Variants in NUBPL observed in about 807,000 individuals in gnomAD.
NUBPL encodes the protein iron-sulfur cluster transfer protein NUBPL.
In NUBPL, 31 loss-of-function variants were observed where a neutral mutation model predicts 45.7. The observed-to-expected ratio is 0.68, with a 90% CI of 0.51 to 0.92. NUBPL has a LOEUF of 0.92. Among genes scored for constraint, NUBPL ranks in the 40% least tolerant of loss-of-function variants. The pLI, the probability that NUBPL is intolerant of heterozygous loss-of-function variation, is 0.00. For synonymous variants in NUBPL, 144 were observed against 140.9 expected, an observed-to-expected ratio of 1.02 and a Z score of -0.15; for missense variants, 401 against 398.7, an observed-to-expected ratio of 1.01 and a Z score of -0.05.
intron 8 of NUBPL, among the ~76,000 whole-genome samples, chr14:31,839,652 T>C (rs1329490650): frequency 6.6e-6 from 1 of 152,038 alleles, no homozygotes; most frequent in Non-Finnish European, 1.5e-5. Flanking sequence ...ATCAACAGGG[T>C]GAAGAGACTA....
chr14:31,745,907 G>A (rs2038388796), intron 6 of NUBPL, among the ~76,000 whole-genome samples: 1 of 151,928 alleles, frequency 6.6e-6, no homozygotes. Context: ...GGCCACAGGT[G>A]TCTCACGACC....
At chr14:31,806,883 G>C (rs1326517018) in intron 7 of NUBPL, among the ~76,000 whole-genome samples, 2 of 152,134 alleles carry the variant, frequency 1.3e-5, no homozygotes, top group Non-Finnish European at 2.9e-5. Flanking sequence ...TTGGTTTTCT[G>C]TCCTTGTGAT....
chr14:31,571,806 C>T (rs8009647), intron 3 of NUBPL, among the ~76,000 whole-genome samples: 78,784 of 152,034 alleles, frequency 0.52, 22,387 homozygotes, highest in Non-Finnish European at 0.63. Flanking sequence ...ATTATTATTG[C>T]ACTCATGCAG....
chr14:31,819,349 A>C (rs1304983577), intron 7 of NUBPL, among the ~76,000 whole-genome samples: 2 of 152,208 alleles, frequency 1.3e-5, no homozygotes, highest in African/African-American at 4.8e-5. Context: ...TTAATTTTTT[A>C]AGTCTTATTT....
chr14:31,571,834 A>G (rs34984098), intron 3 of NUBPL, among the ~76,000 whole-genome samples: 44,911 of 152,156 alleles, frequency 0.3, 7,497 homozygotes, highest in South Asian at 0.41. Context: ...GATAAGTTTT[A>G]TAATAGGAAA....
intron 6 of NUBPL, among the ~76,000 whole-genome samples, chr14:31,700,697 C>T (rs1052128523): frequency 2.6e-5 from 4 of 152,180 alleles, no homozygotes; most frequent in Non-Finnish European, 4.4e-5. Context: ...GGGCCAGCAG[C>T]TGTGGAGGGT....
In NUBPL at chr14:31,599,364, C is replaced by A; in HGVS notation, c.367C>A (p.Pro123Thr). The part of the protein sequence containing the change: ...VPKMMNLKGN[P>T]ELSQSNLMRP... Reference sequence around the variant, plus strand: ...AAAGATGATGAATCTGAAAGGAAATCCGGAATTATCACAGAGTAAGTAAAG... The same window carrying A: ...AAAGATGATGAATCTGAAAGGAAATACGGAATTATCACAGAGTAAGTAAAG... Residue 123 changes from proline to threonine, a missense_variant, in exon 4 of 11, where the codon CCG becomes ACG. Physicochemically the swap from Pro to Thr is conservative, Grantham distance 38 (BLOSUM62 -1). Transcript: ENST00000281081. 1.2e-6 allele frequency: 2 copies of A among 1,609,422 alleles called. No individual in the cohort carries two copies. The highest frequency in any genetic ancestry group is 1.7e-6 in the Non-Finnish European group (2 of 1,176,290).
chr14:31,813,195 G>A (rs541840301), intron 7 of NUBPL, among the ~76,000 whole-genome samples: 2 of 151,832 alleles, frequency 1.3e-5, no homozygotes, highest in African/African-American at 2.4e-5. Context: ...CACCATGTTA[G>A]CCAGGATGGT....
intron 3 of NUBPL, among the ~76,000 whole-genome samples, chr14:31,588,868 A>G (rs1354168402): frequency 1.3e-5 from 2 of 151,096 alleles, no homozygotes; most frequent in Non-Finnish European, 2.9e-5. Flanking sequence ...GCAGTGAGCC[A>G]AGATCGTGCC....
intron 6 of NUBPL, among the ~76,000 whole-genome samples, chr14:31,737,822 C>T (rs2038196418): frequency 6.6e-6 from 1 of 152,086 alleles, no homozygotes; most frequent in South Asian, 2.1e-4. Flanking sequence ...TCATGGTAGT[C>T]GCACTTACTT....
At chr14:31,776,596 T>G (rs1199708830) in intron 6 of NUBPL, among the ~76,000 whole-genome samples, 1 of 152,198 alleles carries the variant, frequency 6.6e-6, no homozygotes, top group Non-Finnish European at 1.5e-5. Flanking sequence ...TCCTTACTCC[T>G]TAGTCCAAGC....
chr14:31,808,724 G>A (rs1379743659), intron 7 of NUBPL, among the ~76,000 whole-genome samples: 1 of 152,134 alleles, frequency 6.6e-6, no homozygotes, highest in African/African-American at 2.4e-5. Flanking sequence ...TCCAGTTTTT[G>A]CCCATTCAGT....
chr14:31,593,419 CA>C (rs2139533928), intron 3 of NUBPL, among the ~76,000 whole-genome samples: 1 of 144,556 alleles, frequency 6.9e-6, no homozygotes, highest in South Asian at 2.2e-4. Flanking sequence ...GAGGCTGAGG[CA>C]GGAGAATGGC....
At chr14:31,728,999 G>T (rs1461476577) in intron 6 of NUBPL, among the ~76,000 whole-genome samples, 1 of 152,116 alleles carries the variant, frequency 6.6e-6, no homozygotes, top group Admixed American at 6.6e-5. Flanking sequence ...CAACAAGTAC[G>T]GCTGGGCACG....
intron 4 of NUBPL, among the ~76,000 whole-genome samples, chr14:31,618,477 T>C (rs1055449671): frequency 1.3e-5 from 2 of 152,238 alleles, no homozygotes; most frequent in African/African-American, 4.8e-5. Flanking sequence ...ATGTTGTCTC[T>C]TTGTTCTCAT....
intron 8 of NUBPL, among the ~76,000 whole-genome samples, chr14:31,828,621 T>TAAAAATGG (rs1373117675): frequency 6.6e-6 from 1 of 152,206 alleles, no homozygotes; most frequent in African/African-American, 2.4e-5. Context: ...AATTATCATT[T>TAAAAATGG]TATATATCAA....
At chr14:31,600,071 G>A (rs536843895) in intron 4 of NUBPL, among the ~76,000 whole-genome samples, 3 of 151,646 alleles carry the variant, frequency 2.0e-5, no homozygotes, top group Admixed American at 6.6e-5. Flanking sequence ...ACAGGTGCAC[G>A]CCACCACGCC....
At position 31,788,720 on chromosome 14, in the gene NUBPL, T is replaced by A. The variant is rs563723718; in HGVS notation, c.607+847T>A. On this transcript the variant is annotated intron_variant, in intron 7 of 10. Transcript: ENST00000281081. ...ATTACTGGGCATCTTAAGGGGTATTTCAGGATGTTCCTTTCTGCATAGGTA... is the reference window on the plus strand; with the variant it reads ...ATTACTGGGCATCTTAAGGGGTATTACAGGATGTTCCTTTCTGCATAGGTA... 1.8e-4 allele frequency among the ~76,000 whole-genome samples: 28 copies of A among 152,286 alleles called. 1 individual carries two copies. Among genetic ancestry groups the A allele is most frequent in the African/African-American group, 5.3e-4 (22 of 41,570 alleles).
Position 31,574,268 on chromosome 14 carries a change from A to T in NUBPL, c.291+9220A>T, listed in dbSNP as rs61995596. On this transcript the variant is annotated intron_variant, in intron 3 of 10. Transcript: ENST00000281081. ...TGCACATCTTATGTACTCAAAAAAA[A>T]TTTTTTTTTTTTTGAGACAGAGTCT... 7.8e-4 allele frequency among the ~76,000 whole-genome samples: 79 copies of T among 101,002 alleles called. 1 individual carries two copies. The highest frequency in any genetic ancestry group is 2.1e-3 in the East Asian group (5 of 2,430). The allele number at this position is 101,002 out of a possible 152,430, so 66.3% of individuals were successfully genotyped here. A position where few individuals can be genotyped will look rare whatever the true frequency, so the allele number is the denominator to read the frequency against.
Sources: gnomAD v4.1 joint callset for allele counts (sites outside exome capture counted in the v4.1 genomes callset) on GRCh38, gnomAD v4.1.1 for gene constraint, MANE v1.5 for transcripts, NCBI Gene and HGNC (gene_info 2026-07-23, HGNC 2026-07-21) for gene names.